Variants in NCOA2 observed in about 807,000 individuals in gnomAD.
NCOA2 encodes the protein nuclear receptor coactivator 2, also known as class E basic helix-loop-helix protein 75.
NCOA2 carries 21 observed loss-of-function variants against 145.1 expected under a neutral mutation model. The ratio of observed to expected loss-of-function variants is 0.14; its 90% CI spans 0.10 to 0.21. The LOEUF is 0.21. Ranked by LOEUF, NCOA2 falls within the 10% of genes least tolerant of loss-of-function variation. The pLI is 1.00. For synonymous variants in NCOA2, 619 were observed against 637.5 expected (o/e 0.97, Z 0.44); for missense variants, 1,472 against 1,837.6 (o/e 0.80, Z 3.64).
At chr8:70,351,902 T>C (rs1388702594) in intron 1 of NCOA2, among the ~76,000 whole-genome samples, 2 of 151,976 alleles carry the variant, frequency 1.3e-5, no homozygotes, top group Admixed American at 1.3e-4. Flanking sequence ...TTTTAATCTT[T>C]ACAAGCAACT....
intron 10 of NCOA2, among the ~76,000 whole-genome samples, chr8:70,157,802 C>T (rs1812454031): frequency 1.3e-5 from 2 of 152,178 alleles, no homozygotes; most frequent in African/African-American, 4.8e-5. Context: ...ATTAGATCAC[C>T]TTGTTTAACA....
chr8:70,316,209 C>T (rs1311981276), intron 1 of NCOA2, among the ~76,000 whole-genome samples: 7 of 152,170 alleles, frequency 4.6e-5, no homozygotes, highest in African/African-American at 7.2e-5. Flanking sequence ...TTAAGAGTCT[C>T]GTTTCCTCTC....
chr8:70,436,878 A>C, the NCOA2 span, among the ~76,000 whole-genome samples: 3 of 152,248 alleles, frequency 2.0e-5, no homozygotes, highest in Non-Finnish European at 2.9e-5. Flanking sequence ...GAGGGGAACA[A>C]CACATTTAGC....
chr8:70,179,114 GA>G (rs1815191112), intron 4 of NCOA2, among the ~76,000 whole-genome samples: 1 of 151,836 alleles, frequency 6.6e-6, no homozygotes, highest in African/African-American at 2.4e-5. Flanking sequence ...ATTAATAAAA[GA>G]AAAAAGGGTG....
At chr8:70,338,494 AAT>A (rs1807836368) in intron 1 of NCOA2, among the ~76,000 whole-genome samples, 1 of 152,194 alleles carries the variant, frequency 6.6e-6, no homozygotes, top group African/African-American at 2.4e-5. Flanking sequence ...TTCACAGCTG[AAT>A]TCTATCAGAG....
intron 2 of NCOA2, among the ~76,000 whole-genome samples, chr8:70,241,418 T>C (rs1822118483): frequency 2.6e-5 from 4 of 152,176 alleles, no homozygotes. Flanking sequence ...TGGGAGTTAA[T>C]GTTCATGAAT....
intron 2 of NCOA2, among the ~76,000 whole-genome samples, chr8:70,259,136 C>T (rs1322318797): frequency 6.6e-6 from 1 of 152,082 alleles, no homozygotes; most frequent in African/African-American, 2.4e-5. Context: ...TCTTACTGAC[C>T]CTCAAAGGTT....
intron 1 of NCOA2, among the ~76,000 whole-genome samples, chr8:70,369,167 C>T (rs1810993301): frequency 6.6e-6 from 1 of 152,166 alleles, no homozygotes; most frequent in Non-Finnish European, 1.5e-5. Flanking sequence ...ATAGACTTCA[C>T]TTGAAACTCA....
the NCOA2 span, among the ~76,000 whole-genome samples, chr8:70,444,831 G>A: frequency 1.8e-4 from 27 of 151,962 alleles, no homozygotes; most frequent in Non-Finnish European, 3.8e-4. Flanking sequence ...ATTCTGAAGG[G>A]GCACCCCAGC....
At chr8:70,445,652 C>A in the NCOA2 span, among the ~76,000 whole-genome samples, 1 of 152,236 alleles carries the variant, frequency 6.6e-6, no homozygotes, top group African/African-American at 2.4e-5. Flanking sequence ...ATTCACAGAG[C>A]TACTGTAATC....
At chr8:70,428,110 T>G in the NCOA2 span, among the ~76,000 whole-genome samples, 2 of 152,218 alleles carry the variant, frequency 1.3e-5, no homozygotes, top group South Asian at 2.1e-4. Context: ...ATGGTTCTCA[T>G]GGCAGGATTG....
intron 1 of NCOA2, among the ~76,000 whole-genome samples, chr8:70,324,162 T>C (rs552763845): frequency 4.1e-4 from 62 of 152,332 alleles, no homozygotes; most frequent in African/African-American, 1.5e-3. Context: ...CAAATATCTC[T>C]ATTTTCTCCA....
chr8:70,141,490 A>C, intron 13 of NCOA2, 91 bp from the exon 14 acceptor site: 12 of 1,171,598 alleles, frequency 1.0e-5, no homozygotes, highest in South Asian at 1.3e-5. Flanking sequence ...CTACAAAACA[A>C]TCATTCTGTA....
At chr8:70,263,590 A>G (rs929456653) in intron 2 of NCOA2, among the ~76,000 whole-genome samples, 1 of 152,140 alleles carries the variant, frequency 6.6e-6, no homozygotes, top group African/African-American at 2.4e-5. Flanking sequence ...AATACACATC[A>G]ATATCTGTAA....
At chr8:70,150,581 C>T (rs1475867826) in intron 11 of NCOA2, among the ~76,000 whole-genome samples, 1 of 152,214 alleles carries the variant, frequency 6.6e-6, no homozygotes, top group Non-Finnish European at 1.5e-5. Flanking sequence ...GGCAAAACTG[C>T]TCATACTACT....
intron 1 of NCOA2, among the ~76,000 whole-genome samples, chr8:70,326,834 G>C (rs949670955): frequency 1.3e-5 from 2 of 152,166 alleles, no homozygotes; most frequent in African/African-American, 4.8e-5. Flanking sequence ...TGAAGTATTG[G>C]AAATAGTCTC....
chr8:70,271,622 T>C (rs1260152051), intron 2 of NCOA2, among the ~76,000 whole-genome samples: 1 of 152,204 alleles, frequency 6.6e-6, no homozygotes, highest in African/African-American at 2.4e-5. Flanking sequence ...ATGTTAGTGC[T>C]TTCAACATCA....
At position 70,216,980 on chromosome 8, in the gene NCOA2, G is replaced by A. The variant is rs115661456; in HGVS notation, c.-19-216C>T. ...AGCAAATGTAAAGGTTAACATTTAAGAAACAAACAAGCCTACCTCATTGGG... is the reference window on the plus strand; with the variant it reads ...AGCAAATGTAAAGGTTAACATTTAAAAAACAAACAAGCCTACCTCATTGGG... On this transcript the variant is annotated intron_variant, in intron 2 of 22. Transcript: ENST00000452400. 9.3e-3 allele frequency among the ~76,000 whole-genome samples: 1,412 copies of A among 152,218 alleles called. 21 individuals are homozygous for A. The highest frequency in any genetic ancestry group is 0.032 in the African/African-American group (1,315 of 41,532).
At chr8:70,405,245 T>TA (rs954738563), upstream of NCOA2, among the ~76,000 whole-genome samples, 11 of 151,530 alleles carry the variant, frequency 7.3e-5, no homozygotes, top group South Asian at 2.1e-4. Flanking sequence ...GGGAAAAGAA[T>TA]AAAAAAAATG....
Sources: allele counts gnomAD v4.1 joint callset (sites outside exome capture counted in the v4.1 genomes callset), GRCh38; gene constraint gnomAD v4.1.1; transcripts MANE v1.5; gene names NCBI Gene and HGNC (gene_info 2026-07-23, HGNC 2026-07-21).